Variants in ATRX observed in about 807,000 individuals in gnomAD.
ATRX encodes chromatin remodeler ATRX.
ATRX carries 12 observed loss-of-function variants against 172.6 expected under a neutral mutation model. That is an observed-to-expected ratio of 0.07 (90% confidence interval 0.04 to 0.11). The LOEUF is 0.11. Ranked by LOEUF, ATRX falls within the 10% of genes least tolerant of loss-of-function variation. The pLI is 1.00. For synonymous variants in ATRX, 674 were observed against 594.7 expected (o/e 1.13, Z -1.94); for missense variants, 1,368 against 1,767.4 (o/e 0.77, Z 4.05).
chrX:77,518,743 A>G (rs2063133697), intron 34 of ATRX, among the ~76,000 whole-genome samples: 1 of 111,742 alleles, frequency 8.9e-6, no homozygotes, highest in African/African-American at 3.2e-5. Context: ...ACATTACCTG[A>G]CTTCAAATGA....
Position 77,716,371 on chromosome X carries a change from G to A in ATRX, c.133+760C>T, listed in dbSNP as rs1603267354. 4.5e-5 allele frequency among the ~76,000 whole-genome samples: 4 copies of A among 89,662 alleles called. No individual in the cohort carries two copies. The South Asian group carries it at 2.3e-3, about 51-fold the overall frequency. 77.9% of individuals were successfully genotyped at this position (89,662 alleles called of 115,157 possible). A position where few individuals can be genotyped will look rare whatever the true frequency, so the allele number is the denominator to read the frequency against. ...ATATCTTTTTAAAAGAGAGAGACAG[G>A]GAGGTAGAGAGGAGGTGTTAAGTGG... On this transcript the variant is annotated intron_variant, in intron 2 of 34. Coordinates refer to ENST00000373344, the MANE Select transcript of ATRX (RefSeq NM_000489.6).
intron 1 of ATRX, among the ~76,000 whole-genome samples, chrX:77,761,488 G>A (rs2075714533): frequency 9.0e-6 from 1 of 111,298 alleles, no homozygotes. Context: ...AGTGAACTGT[G>A]ATCATGCCTC....
intron 1 of ATRX, among the ~76,000 whole-genome samples, chrX:77,751,433 T>A (rs1557187547): frequency 8.9e-6 from 1 of 112,404 alleles, no homozygotes; most frequent in African/African-American, 3.2e-5. Flanking sequence ...CTTTGTCAGA[T>A]GCATAGATTG....
At chrX:77,559,278 G>A (rs782139086) in intron 28 of ATRX, among the ~76,000 whole-genome samples, 9 of 107,506 alleles carry the variant, frequency 8.4e-5, no homozygotes, top group Non-Finnish European at 1.5e-4. Flanking sequence ...ACAGCATAAA[G>A]AATGTAAGGA....
intron 1 of ATRX, among the ~76,000 whole-genome samples, chrX:77,744,621 T>C (rs2074994548): frequency 9.0e-6 from 1 of 111,020 alleles, no homozygotes; most frequent in Non-Finnish European, 1.9e-5. Context: ...AAGAAAAGTC[T>C]GAAAACCAAT....
At chrX:77,643,977 T>C (rs1481022748) in intron 15 of ATRX, among the ~76,000 whole-genome samples, 1 of 111,112 alleles carries the variant, frequency 9.0e-6, no homozygotes, top group Non-Finnish European at 1.9e-5. Flanking sequence ...TCTTGCTCTG[T>C]CGCCCAGGCT....
At chrX:77,782,122 C>A (rs781969120) in intron 1 of ATRX, among the ~76,000 whole-genome samples, 15 of 111,877 alleles carry the variant, frequency 1.3e-4, no homozygotes, top group Non-Finnish European at 2.6e-4. Context: ...CATAACCAAG[C>A]CATTGATATT....
chrX:77,676,668 G>A (rs902208045), intron 9 of ATRX, among the ~76,000 whole-genome samples: 3 of 112,015 alleles, frequency 2.7e-5, no homozygotes, highest in Non-Finnish European at 5.6e-5. Context: ...CTGTATCTTC[G>A]AGGAATAGCA....
intron 30 of ATRX, among the ~76,000 whole-genome samples, chrX:77,556,759 C>T (rs1034406567): frequency 2.7e-5 from 3 of 112,070 alleles, no homozygotes; most frequent in Non-Finnish European, 5.6e-5. Flanking sequence ...AATCCCAGGT[C>T]CTCTGCTTTG....
chrX:77,648,435 GCA>G (rs2069025231), intron 15 of ATRX, among the ~76,000 whole-genome samples: 1 of 111,054 alleles, frequency 9.0e-6, no homozygotes, highest in Non-Finnish European at 1.9e-5. Context: ...TAAACAGTAT[GCA>G]CAGTGGCAAA....
chrX:77,706,927 C>CA (rs1216081057), intron 2 of ATRX, among the ~76,000 whole-genome samples: 1 of 110,909 alleles, frequency 9.0e-6, no homozygotes, highest in Admixed American at 9.7e-5. Flanking sequence ...AAAGACAACT[C>CA]AAAGAATAGG....
At chrX:77,773,062 G>A (rs1300948232) in intron 1 of ATRX, among the ~76,000 whole-genome samples, 1 of 77,493 alleles carries the variant, frequency 1.3e-5, no homozygotes, top group Non-Finnish European at 2.3e-5. Flanking sequence ...GCCCAGGCTG[G>A]AGAGATATTT....
At chrX:77,722,502 C>A (rs1557169717) in intron 1 of ATRX, among the ~76,000 whole-genome samples, 2 of 111,172 alleles carry the variant, frequency 1.8e-5, no homozygotes, top group Admixed American at 9.6e-5. Flanking sequence ...AAGAAAAAAG[C>A]AAACAACCCT....
chrX:77,691,910 T>C (rs1470260189), intron 6 of ATRX, among the ~76,000 whole-genome samples: 2 of 112,019 alleles, frequency 1.8e-5, no homozygotes, highest in Non-Finnish European at 3.8e-5. Context: ...ATGTGAAAGA[T>C]TTAAGTGCTA....
intron 1 of ATRX, among the ~76,000 whole-genome samples, chrX:77,766,730 T>C (rs1186851485): frequency 8.4e-5 from 8 of 95,520 alleles, no homozygotes; most frequent in African/African-American, 1.2e-4. Flanking sequence ...GCTCCTCACT[T>C]TCCAGACTGG....
At position 77,663,868 on chromosome X, in the gene ATRX, G is replaced by A. The variant is rs908931221; in HGVS notation, c.3944-310C>T. On this transcript the variant is annotated intron_variant, in intron 11 of 34. Transcript: ENST00000373344. Reference sequence around the variant, plus strand: ...TGTAATCCCAGCTCTTTGGGAGGCCGAGGTGGGCAGATCACCTGAGTTCGG... The same window carrying A: ...TGTAATCCCAGCTCTTTGGGAGGCCAAGGTGGGCAGATCACCTGAGTTCGG... Among the ~76,000 whole-genome samples the A allele has an allele frequency of 9.0e-5, 10 of 111,562 alleles. No homozygotes were observed. The East Asian group carries it at 1.1e-3, about 13-fold the overall frequency.
intron 34 of ATRX, among the ~76,000 whole-genome samples, chrX:77,513,001 G>A (rs2062923471): frequency 9.0e-6 from 1 of 111,395 alleles, no homozygotes; most frequent in African/African-American, 3.3e-5. Flanking sequence ...AATGGCAGGA[G>A]TAAGTCCTAA....
intron 21 of ATRX, among the ~76,000 whole-genome samples, chrX:77,617,207 T>G (rs782121116): frequency 8.9e-6 from 1 of 111,848 alleles, no homozygotes; most frequent in South Asian, 3.7e-4. Flanking sequence ...GAGGGAATAT[T>G]TGCCCAATTA....
intron 32 of ATRX, 80 bp from the exon 33 acceptor site, chrX:77,521,578 A>C: frequency 1.3e-6 from 1 of 751,018 alleles, no homozygotes; most frequent in Non-Finnish European, 2.0e-6. Flanking sequence ...TCCATTTGCC[A>C]ACTTAGAGCA....
Sources: gnomAD v4.1 joint callset for allele counts (sites outside exome capture counted in the v4.1 genomes callset) on GRCh38, gnomAD v4.1.1 for gene constraint, MANE v1.5 for transcripts, NCBI Gene and HGNC (gene_info 2026-07-23, HGNC 2026-07-21) for gene names.